The following CLEC6A variants were observed in gnomAD, a reference collection of about 807,000 sequenced individuals.
The protein encoded by CLEC6A is C-type lectin domain containing 6A, also known as C-type lectin domain family 6 member A.
Under a neutral mutation model 25.7 loss-of-function variants are expected in CLEC6A, and 22 were observed. The ratio of observed to expected loss-of-function variants is 0.85; its 90% CI spans 0.61 to 1.22. The LOEUF (loss-of-function observed/expected upper bound fraction) is 1.22, where lower values mean the gene tolerates loss of function less well. CLEC6A is among the 50% of genes most tolerant of loss of function. CLEC6A has a pLI of 0.00. For synonymous variants in CLEC6A, 92 were observed against 76.7 expected (o/e 1.20, Z -1.04); for missense variants, 240 against 236.8 (o/e 1.01, Z -0.09).
In CLEC6A at chr12:8,459,647, C is replaced by T; in HGVS notation, c.172C>T (p.His58Tyr). 6.2e-7 allele frequency: 1 copy of T among 1,613,676 alleles called. No homozygotes were observed. The highest frequency in any genetic ancestry group is 8.5e-7 in the Non-Finnish European group (1 of 1,179,592). ...AACTGGCAAAAGGCTGTCTGAACTA[C>T]ACTCATATCATTCAAGTCTCACCTG... is the stretch of plus-strand genomic sequence containing the variant. ...GETGKRLSEL[H>Y]SYHSSLTCFS... Residue 58 changes from histidine (H) to tyrosine (Y), a missense_variant, in exon 3 of 6, where the codon CAC (histidine) becomes TAC (tyrosine). His to Tyr is a moderately conservative substitution (Grantham distance 83). Transcript: ENST00000382073.
At position 8,471,342 on chromosome 12, in the gene CLEC6A, T is replaced by C. The variant is rs139019189; in HGVS notation, c.370-4783T>C. 1.8e-3 allele frequency among the ~76,000 whole-genome samples: 275 copies of C among 152,230 alleles called. 1 individual carries two copies. The highest frequency in any genetic ancestry group is 6.0e-3 in the African/African-American group (251 of 41,570). ...TTTCCTCCTCTTCGATTTTTTGATA[T>C]TGTTTCAGGAGGATTAGTGTTAATT... On this transcript the variant is annotated intron_variant, in intron 4 of 5. Coordinates refer to ENST00000382073, the MANE Select transcript of CLEC6A (RefSeq NM_001007033.2).
At chr12:8,457,223 C>T (rs1296621328) in intron 1 of CLEC6A, among the ~76,000 whole-genome samples, 1 of 152,130 alleles carries the variant, frequency 6.6e-6, no homozygotes, top group Non-Finnish European at 1.5e-5. Flanking sequence ...TCTATCTTCT[C>T]TTCCCAGTTA....
At chr12:8,474,484 AGTT>A (rs1437809505) in intron 4 of CLEC6A, among the ~76,000 whole-genome samples, 1 of 152,198 alleles carries the variant, frequency 6.6e-6, no homozygotes, top group Non-Finnish European at 1.5e-5. Flanking sequence ...CTTATAGTAT[AGTT>A]TGAAGTTGGG....
At chr12:8,464,050 A>C (rs1320106111) in intron 3 of CLEC6A, among the ~76,000 whole-genome samples, 1 of 152,266 alleles carries the variant, frequency 6.6e-6, no homozygotes, top group African/African-American at 2.4e-5. Flanking sequence ...AGCAATCATT[A>C]ATAATGAGCA....
intron 4 of CLEC6A, among the ~76,000 whole-genome samples, chr12:8,467,194 T>C (rs1312220021): frequency 6.6e-6 from 1 of 152,214 alleles, no homozygotes; most frequent in Non-Finnish European, 1.5e-5. Context: ...GTTTTTAGTT[T>C]GGTGGAGTTC....
intron 4 of CLEC6A, among the ~76,000 whole-genome samples, chr12:8,469,429 A>G (rs190724175): frequency 6.6e-6 from 1 of 152,278 alleles, no homozygotes; most frequent in Non-Finnish European, 1.5e-5. Context: ...AACTAGAAAA[A>G]AAAAACCCTA....
intron 4 of CLEC6A, among the ~76,000 whole-genome samples, chr12:8,474,932 G>A (rs144997275): frequency 2.0e-5 from 3 of 151,834 alleles, no homozygotes; most frequent in East Asian, 3.9e-4. Context: ...TGTGCACAAC[G>A]TGCAGGTTTG....
chr12:8,473,500 C>G (rs1939933917), intron 4 of CLEC6A, among the ~76,000 whole-genome samples: 1 of 152,046 alleles, frequency 6.6e-6, no homozygotes, highest in African/African-American at 2.4e-5. Context: ...AGGTCGATTC[C>G]ATGTTTTTAC....
intron 3 of CLEC6A, among the ~76,000 whole-genome samples, chr12:8,462,089 G>A (rs1039508385): frequency 2.0e-5 from 3 of 152,110 alleles, no homozygotes; most frequent in Non-Finnish European, 4.4e-5. Context: ...TCTGAAACAC[G>A]TGCTGTGTCA....
chr12:8,471,702 A>T (rs1939909177), intron 4 of CLEC6A, among the ~76,000 whole-genome samples: 1 of 152,024 alleles, frequency 6.6e-6, no homozygotes, highest in Admixed American at 6.6e-5. Flanking sequence ...GCATTTGTCA[A>T]TGTCTCCTAC....
intron 3 of CLEC6A, among the ~76,000 whole-genome samples, chr12:8,462,934 G>A (rs903510240): frequency 1.3e-5 from 2 of 151,700 alleles, no homozygotes; most frequent in Non-Finnish European, 2.9e-5. Flanking sequence ...TGCTATAGAA[G>A]CAAAAGCTTT....
chr12:8,465,889 C>T (rs1369531831), intron 4 of CLEC6A, among the ~76,000 whole-genome samples: 1 of 152,078 alleles, frequency 6.6e-6, no homozygotes, highest in Non-Finnish European at 1.5e-5. Context: ...ATTTTAAATA[C>T]TTAATATAAG....
At chr12:8,472,994 C>CT (rs746059514) in intron 4 of CLEC6A, among the ~76,000 whole-genome samples, 385 of 3,578 alleles carry the variant, frequency 0.11, 161 homozygotes, top group African/African-American at 0.16. Flanking sequence ...GCTCCTACTT[C>CT]TTTTTTTTTT....
At chr12:8,461,333 A>C in intron 3 of CLEC6A, 2 of 495,806 alleles carry the variant, frequency 4.0e-6, no homozygotes, top group Non-Finnish European at 3.6e-6. Flanking sequence ...TAAAGTGCAT[A>C]GTTTTCTTCT....
chr12:8,477,265 A>G, intron 5 of CLEC6A, 55 bp from the exon 6 acceptor site: 1 of 1,459,492 alleles, frequency 6.9e-7, no homozygotes, highest in Non-Finnish European at 9.4e-7. Flanking sequence ...TATACTTTCT[A>G]ATCATTCACC....
At chr12:8,474,821 A>T (rs889893914) in intron 4 of CLEC6A, among the ~76,000 whole-genome samples, 1 of 152,222 alleles carries the variant, frequency 6.6e-6, no homozygotes, top group Non-Finnish European at 1.5e-5. Context: ...TAAATCGACT[A>T]TAGTTAAAAC....
At chr12:8,468,209 C>T (rs927072690) in intron 4 of CLEC6A, among the ~76,000 whole-genome samples, 3 of 152,352 alleles carry the variant, frequency 2.0e-5, no homozygotes, top group South Asian at 2.1e-4. Context: ...TCCCAAAGGG[C>T]TGGGATTACA....
chr12:8,466,355 C>A (rs1221266675), intron 4 of CLEC6A, among the ~76,000 whole-genome samples: 3 of 152,156 alleles, frequency 2.0e-5, no homozygotes, highest in Non-Finnish European at 2.9e-5. Context: ...TGTGGGTGGG[C>A]AAATAATCTT....
At chr12:8,474,570 T>C (rs764212772) in intron 4 of CLEC6A, among the ~76,000 whole-genome samples, 8 of 152,178 alleles carry the variant, frequency 5.3e-5, no homozygotes, top group Non-Finnish European at 7.4e-5. Context: ...AGGAAAACTT[T>C]CTTATTTAGT....
Sources: allele counts gnomAD v4.1 joint callset (sites outside exome capture counted in the v4.1 genomes callset), GRCh38; gene constraint gnomAD v4.1.1; transcripts MANE v1.5; gene names NCBI Gene and HGNC (gene_info 2026-07-23, HGNC 2026-07-21).